The following ANXA2 variants were observed in gnomAD, a reference collection of about 807,000 sequenced individuals.
The protein encoded by ANXA2 is annexin A2, also known as annexin II.
ANXA2 carries 28 observed loss-of-function variants against 47.3 expected under a neutral mutation model. That is an observed-to-expected ratio of 0.59 (90% CI 0.44 to 0.81). The LOEUF (loss-of-function observed/expected upper bound fraction) is 0.81. ANXA2 is among the 40% of genes least tolerant of loss of function. The probability of loss-of-function intolerance (pLI) is 0.00; values close to 1 mark genes in which losing one functional copy is unlikely to be tolerated. For synonymous variants in ANXA2, 172 were observed against 155.5 expected, an observed-to-expected ratio of 1.11 and a Z score of -0.79; for missense variants, 384 against 414.3, an observed-to-expected ratio of 0.93 and a Z score of 0.64.
At chr15:60,388,845 G>T (rs1039505859) in intron 1 of ANXA2, among the ~76,000 whole-genome samples, 2 of 149,610 alleles carry the variant, frequency 1.3e-5, no homozygotes, top group Non-Finnish European at 3.0e-5. Context: ...GGACTCAAGA[G>T]ATCCTCCTGC....
chr15:60,381,596 C>T (rs188775627), intron 3 of ANXA2, among the ~76,000 whole-genome samples: 7 of 152,236 alleles, frequency 4.6e-5, no homozygotes, highest in African/African-American at 1.2e-4. Context: ...AAGGCTTTTA[C>T]GCCTCCTGGT....
intron 7 of ANXA2, chr15:60,355,597 C>G (rs987933795): frequency 4.6e-6 from 2 of 430,334 alleles, no homozygotes. Context: ...CTGGGTCCTG[C>G]ATGACCACAG....
At chr15:60,375,973 C>G (rs2062770800) in intron 3 of ANXA2, among the ~76,000 whole-genome samples, 1 of 152,114 alleles carries the variant, frequency 6.6e-6, no homozygotes, top group African/African-American at 2.4e-5. Context: ...AGGCTACACG[C>G]TCCTCAAAGA....
Position 60,360,869 on chromosome 15 carries a change from T to C in ANXA2, c.357+72A>G, listed in dbSNP as rs2062501984. On this transcript the variant is annotated intron_variant, in intron 5 of 12. Transcript: ENST00000451270. ...TTCAACAAAACTGAAAATCACCAAA[T>C]TACACTCAGAAAGCTGTAATTCACA... is the stretch of plus-strand genomic sequence containing the variant. 8 of 984,870 alleles carry C rather than the reference T, an allele frequency of 8.1e-6. No individual in the cohort carries two copies. The East Asian group carries it at 1.2e-4, about 15-fold the overall frequency. 61.0% of individuals were successfully genotyped at this position (984,870 alleles called of 1,614,324 possible).
intron 3 of ANXA2, among the ~76,000 whole-genome samples, chr15:60,371,335 T>C (rs34073202): frequency 0.2 from 31,083 of 151,948 alleles, 3,590 homozygotes; most frequent in Non-Finnish European, 0.25. Context: ...AACCTGGGGG[T>C]CATGGGTCCC....
chr15:60,364,240 G>A (rs1449942442), intron 4 of ANXA2, among the ~76,000 whole-genome samples, 189 bp downstream of exon 4: 2 of 152,170 alleles, frequency 1.3e-5, no homozygotes, highest in African/African-American at 2.4e-5. Flanking sequence ...TGAGGTGCAC[G>A]CGCGCGTGCA....
chr15:60,351,799 A>G lies in ANXA2; in HGVS notation c.703T>C (p.Tyr235His), dbSNP rs192656325. ...CTTTCCAACATGTCATAAGGGCTGT[A>G]ACTCTTGTACCTATCAAATACTGAG... ...LQKVFDRYKSYSPYDMLESIR... is the reference protein window; with the variant it reads ...LQKVFDRYKSHSPYDMLESIR... The change falls in exon 10 of 13, where the codon TAC (tyrosine) becomes CAC (histidine). Residue 235 changes from tyrosine (Y) to histidine (H), a missense_variant. By Grantham distance (83) the Tyr-to-His change is moderately conservative (BLOSUM62 2). Coordinates refer to ENST00000451270, the MANE Select transcript of ANXA2 (RefSeq NM_004039.3). The G allele has an allele frequency of 2.4e-5, 39 of 1,612,900 alleles. No individual in the cohort carries two copies. In the Admixed American group the frequency reaches 2.7e-4, roughly 11 times the overall value.
At chr15:60,347,808 G>A in intron 12 of ANXA2, 119 bp from the exon 13 acceptor site, 2 of 878,906 alleles carry the variant, frequency 2.3e-6, no homozygotes, top group South Asian at 1.5e-5. Context: ...AGAAGACTCT[G>A]CAGGAGACCT....
chr15:60,367,561 G>GT (rs2062647597), intron 3 of ANXA2, among the ~76,000 whole-genome samples: 2 of 66,898 alleles, frequency 3.0e-5, no homozygotes, highest in African/African-American at 1.5e-4. Context: ...CGGGAGGGAG[G>GT]TGGGGGGGAC....
chr15:60,397,156 C>G, intron 1 of ANXA2: 10 of 593,260 alleles, frequency 1.7e-5, no homozygotes, highest in Non-Finnish European at 2.1e-5. Context: ...AAGGGAGAGG[C>G]CCCGGGGCCA....
At chr15:60,351,671 A>G in intron 10 of ANXA2, 53 bp downstream of exon 10, 1 of 1,187,782 alleles carries the variant, frequency 8.4e-7, no homozygotes. Context: ...GCCATCTGTC[A>G]CTTCTGCTCT....
chr15:60,355,681 G>T, intron 7 of ANXA2: 1 of 573,666 alleles, frequency 1.7e-6, no homozygotes. Context: ...GGACTTGAGA[G>T]CCGCCCATCC....
intron 4 of ANXA2, chr15:60,361,615 G>C (rs1261602372): frequency 6.5e-6 from 1 of 153,066 alleles, no homozygotes; most frequent in East Asian, 1.9e-4. Context: ...ATCTAATACT[G>C]AGAAAATATC....
At chr15:60,353,593 C>T (rs7167571) in intron 8 of ANXA2, among the ~76,000 whole-genome samples, 119,151 of 152,152 alleles carry the variant, frequency 0.78, 47,017 homozygotes, top group African/African-American at 0.85. Context: ...GTTTAAAATA[C>T]GGCCAGAAAT....
At chr15:60,392,235 G>A (rs8028846) in intron 1 of ANXA2, among the ~76,000 whole-genome samples, 121,636 of 152,166 alleles carry the variant, frequency 0.8, 49,064 homozygotes, top group East Asian at 1. Flanking sequence ...AGCTCACAGT[G>A]CAAGGCTGAT....
At chr15:60,366,846 T>G (rs1438205474) in intron 3 of ANXA2, among the ~76,000 whole-genome samples, 161 of 13,658 alleles carry the variant, frequency 0.012, no homozygotes, top group South Asian at 0.015. Context: ...GGGAGGGAGG[T>G]GGGGGGGTCA....
chr15:60,356,550 C>G (rs1202701517), intron 6 of ANXA2, among the ~76,000 whole-genome samples: 7 of 152,118 alleles, frequency 4.6e-5, no homozygotes, highest in African/African-American at 7.2e-5. Flanking sequence ...TGATGGATAT[C>G]TCAATTACCC....
chr15:60,373,029 C>T (rs897719333), intron 3 of ANXA2, among the ~76,000 whole-genome samples: 3 of 152,154 alleles, frequency 2.0e-5, no homozygotes, highest in African/African-American at 7.2e-5. Flanking sequence ...CCCTCTGAAC[C>T]AGCCTTACCT....
At chr15:60,353,239 G>A (rs2062376032) in intron 8 of ANXA2, among the ~76,000 whole-genome samples, 1 of 152,132 alleles carries the variant, frequency 6.6e-6, no homozygotes, top group African/African-American at 2.4e-5. Context: ...ATAGTTCATT[G>A]CAGTCTGAAT....
Sources: allele counts gnomAD v4.1 joint callset (sites outside exome capture counted in the v4.1 genomes callset), GRCh38; gene constraint gnomAD v4.1.1; transcripts MANE v1.5; gene names NCBI Gene and HGNC (gene_info 2026-07-23, HGNC 2026-07-21).